The following FANCA variants were observed in gnomAD, a reference collection of about 807,000 sequenced individuals.
The protein encoded by FANCA is FA complementation group A.
Under a neutral mutation model 194.3 loss-of-function variants are expected in FANCA, and 236 were observed. The observed-to-expected ratio is 1.21, with a 90% CI of 1.09 to 1.35. FANCA has a LOEUF of 1.35. Ranked by LOEUF, FANCA falls within the 40% of genes most tolerant of loss-of-function variation. The pLI is 0.00. For synonymous variants in FANCA, 1,014 were observed against 715.8 expected, an observed-to-expected ratio of 1.42 and a Z score of -6.65; for missense variants, 2,628 against 1,813.9, an observed-to-expected ratio of 1.45 and a Z score of -8.15.
At position 89,770,159 on chromosome 16, in the gene FANCA, G is replaced by T; in HGVS notation, c.2316+7C>A. On this transcript the variant is annotated splice_region_variant and intron_variant, in intron 25 of 42. Coordinates refer to ENST00000389301, the MANE Select transcript of FANCA (RefSeq NM_000135.4). ...CCAAGGGTGGCCCCCATGAAGGAGAGCCTCACCTGGTGACGGAGCAGCTGG... is the reference window on the plus strand; with the variant it reads ...CCAAGGGTGGCCCCCATGAAGGAGATCCTCACCTGGTGACGGAGCAGCTGG... The T allele has an allele frequency of 1.3e-6, 2 of 1,584,176 alleles. No individual in the cohort carries two copies. Among genetic ancestry groups the T allele is most frequent in the South Asian group, 2.3e-5 (2 of 87,074 alleles).
rs2062032586 is a variant in FANCA, at chr16:89,738,719, G to A, written c.4261-11C>T. On this transcript the variant is annotated splice_polypyrimidine_tract_variant and intron_variant, in intron 42 of 42. Coordinates refer to ENST00000389301, the MANE Select transcript of FANCA (RefSeq NM_000135.4). ...ACGATCAGCCAGCAGCTGTGAGAGA[G>A]GAGCAGGTCCTCAGCCCATGCCGCC... 2.5e-6 allele frequency: 4 copies of A among 1,613,604 alleles called. No homozygotes were observed. The highest frequency in any genetic ancestry group is 2.7e-5 in the African/African-American group (2 of 74,926).
rs1367810841 is a variant in FANCA at position 89,803,328 on chromosome 16, C to G, written c.723G>C (p.Met241Ile). The G allele has an allele frequency of 1.2e-6, 2 of 1,613,832 alleles. No individual in the cohort carries two copies. Among genetic ancestry groups the G allele is most frequent in the African/African-American group, 1.3e-5 (1 of 74,896 alleles). ...ARAMLSDFVQ[M>I]FVLRGFQKNS... is the part of the protein sequence containing the mutation. ...TTTTCTGAAATCCCCTCAAAACAAA[C>G]ATTTGAACAAAATCTGAAAAACCAT... The change falls in exon 8 of 43, where the codon ATG (methionine) becomes ATC (isoleucine). Residue 241 changes from methionine to isoleucine, a missense_variant. By Grantham distance (10) the Met-to-Ile change is conservative. Coordinates refer to ENST00000389301, the MANE Select transcript of FANCA (RefSeq NM_000135.4).
At chr16:89,780,482 G>T (rs1268347972) in intron 17 of FANCA, among the ~76,000 whole-genome samples, 1 of 152,018 alleles carries the variant, frequency 6.6e-6, no homozygotes, top group African/African-American at 2.4e-5. Flanking sequence ...ACATTAGCCA[G>T]GTGTAGAGGC....
chr16:89,784,727 G>C (rs968538341), intron 15 of FANCA, 127 bp downstream of exon 15: 3 of 786,488 alleles, frequency 3.8e-6, no homozygotes, highest in South Asian at 2.7e-5. Context: ...GGAAGGGGAA[G>C]GGGAAGGGCC....
At chr16:89,753,741 A>C (rs7206120) in intron 30 of FANCA, among the ~76,000 whole-genome samples, 62,079 of 151,918 alleles carry the variant, frequency 0.41, 13,941 homozygotes, top group East Asian at 0.76. Context: ...CACTCAGAAC[A>C]GTGTCGCTGC....
chr16:89,815,984 C>T lies in FANCA; in HGVS notation c.82G>A (p.Gly28Arg). The change falls in exon 2 of 43, where the codon GGA (glycine) becomes AGA (arginine). Residue 28 changes from glycine to arginine, a missense_variant and splice_region_variant. Transcript: ENST00000389301. ...RRRAWAELLA[G>R]RVKREKYNPE... ...TTATATTTTTCCCTCTTGACCCTTC[C>T]CGCTACGGAGAGAAGTCGGTTCGAA... 1 of 1,612,232 alleles carries T rather than the reference C, an allele frequency of 6.2e-7. No homozygotes were observed. The highest frequency in any genetic ancestry group is 8.5e-7 in the Non-Finnish European group (1 of 1,178,312).
At chr16:89,782,978 T>G (rs1040612444) in intron 16 of FANCA, 29 bp downstream of exon 16, 1 of 1,611,778 alleles carries the variant, frequency 6.2e-7, no homozygotes, top group Non-Finnish European at 8.5e-7. Context: ...GGGACAGGTG[T>G]GAGGAGTGGG....
At chr16:89,797,016 C>T (rs1036693068) in intron 10 of FANCA, among the ~76,000 whole-genome samples, 3 of 152,086 alleles carry the variant, frequency 2.0e-5, no homozygotes, top group Non-Finnish European at 4.4e-5. Context: ...AAAAATTAGC[C>T]GGGCATGGTG....
rs200291237 is a variant in FANCA, at chr16:89,783,063, G to A, written c.1510C>T (p.Arg504Cys). 45 of 1,613,796 alleles carry A rather than the reference G, an allele frequency of 2.8e-5. No homozygotes were observed. The highest frequency in any genetic ancestry group is 5.3e-5 in the African/African-American group (4 of 74,892). ...LHPPLVPGKYRSLLTDYISLA... is the reference protein window; with the variant it reads ...LHPPLVPGKYCSLLTDYISLA... The stretch of plus-strand genomic sequence containing the variant: ...GAGATGTAGTCTGTGAGGAGGGAGC[G>A]GTACTTGCCGGGAACCAGGGGTGGG... Residue 504 changes from arginine (R) to cysteine (C), a missense_variant, in exon 16 of 43, where the codon CGC becomes TGC. Arg to Cys is a radical substitution (Grantham distance 180). Transcript: ENST00000389301.
At chr16:89,748,592 G>A (rs1448526778) in intron 33 of FANCA, 67 bp downstream of exon 33, 5 of 1,228,572 alleles carry the variant, frequency 4.1e-6, no homozygotes, top group Non-Finnish European at 6.0e-6. Context: ...CATGGAGGCT[G>A]CAAGAGCTGC....
intron 28 of FANCA, chr16:89,762,681 T>C: frequency 2.7e-6 from 1 of 375,416 alleles, no homozygotes; most frequent in Non-Finnish European, 5.5e-6. Flanking sequence ...CAGGCTGGAG[T>C]GTGTGCAGTG....
Position 89,738,566 on chromosome 16 carries a change from A to C in FANCA, c.*35T>G. 6.2e-7 allele frequency: 1 copy of C among 1,612,752 alleles called. No homozygotes were observed. Among genetic ancestry groups the C allele is most frequent in the Non-Finnish European group, 8.5e-7 (1 of 1,179,990 alleles). ...GTTATGCTTGTAATAAATTATTTAC[A>C]CGGGAGCTGGGCTGGTGTGCAGTGG... On this transcript the variant is annotated 3_prime_UTR_variant, in exon 43 of 43. Coordinates refer to ENST00000389301, the MANE Select transcript of FANCA (RefSeq NM_000135.4).
At chr16:89,742,426 T>G (rs1446392026) in intron 37 of FANCA, among the ~76,000 whole-genome samples, 1 of 151,986 alleles carries the variant, frequency 6.6e-6, no homozygotes. Context: ...CACTCCAGCC[T>G]GGGCGACAGT....
In FANCA at chr16:89,770,634, C is replaced by T; in HGVS notation, c.2152G>A (p.Ala718Thr). 6.2e-7 allele frequency: 1 copy of T among 1,607,752 alleles called. No individual in the cohort carries two copies. Among genetic ancestry groups the T allele is most frequent in the Non-Finnish European group, 8.5e-7 (1 of 1,176,944 alleles). Reference protein sequence around the residue: ...TPRLEPREHMAVDLLLTSFCQ... With the variant: ...TPRLEPREHMTVDLLLTSFCQ... ...AAAGACGTCAGCAGGAGGTCCACAG[C>T]CTGCAGAGACACAGTTCTCATGAGC... Residue 718 changes from alanine to threonine, a missense_variant and splice_region_variant, in exon 24 of 43, where the codon GCT becomes ACT. By Grantham distance (58) the Ala-to-Thr change is moderately conservative. Coordinates refer to ENST00000389301, the MANE Select transcript of FANCA (RefSeq NM_000135.4).
intron 6 of FANCA, among the ~76,000 whole-genome samples, chr16:89,807,458 GA>G (rs888500248): frequency 5.4e-4 from 80 of 148,758 alleles, no homozygotes; most frequent in African/African-American, 1.7e-3. Flanking sequence ...GTCTCAAAAA[GA>G]AAAAAAAAGG....
chr16:89,784,761 C>G, intron 15 of FANCA, 93 bp downstream of exon 15: 1 of 926,306 alleles, frequency 1.1e-6, no homozygotes, highest in South Asian at 1.3e-5. Context: ...CAGAGCAGAT[C>G]TGCAGGAGGC....
rs1319264119 is a variant in FANCA at position 89,771,811 on chromosome 16, A to G, written c.2018T>C (p.Ile673Thr). 9 of 1,613,718 alleles carry G rather than the reference A, an allele frequency of 5.6e-6. No homozygotes were observed. Among genetic ancestry groups the G allele is most frequent in the African/African-American group, 2.7e-5 (2 of 74,914 alleles). ...AGAAATCACTGCCACCTGTGCCGAT[A>G]TAACTGCGAAGGAAGAAACTAGTTA... ...SMTDPSQRDVISAQVAVISER... is the reference protein window; with the variant it reads ...SMTDPSQRDVTSAQVAVISER... Residue 673 changes from isoleucine (I) to threonine (T), a missense_variant, in exon 23 of 43, where the codon ATA becomes ACA. Ile to Thr is a moderately conservative substitution (Grantham distance 89). Transcript: ENST00000389301.
chr16:89,739,761 G>T, intron 39 of FANCA: 1 of 1,480,146 alleles, frequency 6.8e-7, no homozygotes, highest in Non-Finnish European at 8.9e-7. Context: ...GGGTGGGTGT[G>T]GTGCAGAGAG....
intron 26 of FANCA, among the ~76,000 whole-genome samples, chr16:89,768,561 CACA>C (rs2039209038): frequency 6.6e-6 from 1 of 152,028 alleles, no homozygotes; most frequent in African/African-American, 2.4e-5. Context: ...GAAGCTGAGG[CACA>C]AGAACTGCTT....
Sources: allele counts gnomAD v4.1 joint callset (sites outside exome capture counted in the v4.1 genomes callset), GRCh38; gene constraint gnomAD v4.1.1; transcripts MANE v1.5; gene names NCBI Gene and HGNC (gene_info 2026-07-23, HGNC 2026-07-21).